The following LARS2 variants were observed in gnomAD, a reference collection of about 807,000 sequenced individuals.
The protein encoded by LARS2 is leucyl-tRNA synthetase 2, mitochondrial.
Under a neutral mutation model 116.6 loss-of-function variants are expected in LARS2, and 81 were observed. The observed-to-expected ratio is 0.69, with a 90% CI of 0.58 to 0.84. LARS2 has a LOEUF of 0.84. Ranked by LOEUF, LARS2 falls within the 40% of genes least tolerant of loss-of-function variation. The probability of loss-of-function intolerance (pLI) is 0.00; values close to 1 mark genes in which losing one functional copy is unlikely to be tolerated. For synonymous variants in LARS2, 396 were observed against 407.2 expected, an observed-to-expected ratio of 0.97 and a Z score of 0.33; for missense variants, 968 against 1,114.5, an observed-to-expected ratio of 0.87 and a Z score of 1.87.
intron 4 of LARS2, among the ~76,000 whole-genome samples, chr3:45,412,566 G>A (rs1042297262): frequency 3.3e-5 from 5 of 152,098 alleles, no homozygotes; most frequent in African/African-American, 1.2e-4. Flanking sequence ...TTTGTAATTT[G>A]AAAAAACATC....
intron 7 of LARS2, among the ~76,000 whole-genome samples, chr3:45,456,700 T>A (rs1699217802): frequency 1.3e-5 from 2 of 152,214 alleles, no homozygotes; most frequent in African/African-American, 4.8e-5. Flanking sequence ...TAAGGTACTT[T>A]TGTCCCATAT....
At chr3:45,488,066 G>C (rs1263167760) in intron 11 of LARS2, among the ~76,000 whole-genome samples, 1 of 151,992 alleles carries the variant, frequency 6.6e-6, no homozygotes, top group Non-Finnish European at 1.5e-5. Context: ...CAAGAAAGAG[G>C]CTTCCACAAA....
At chr3:45,521,770 G>GT (rs765551426) in intron 19 of LARS2, among the ~76,000 whole-genome samples, 16 of 150,952 alleles carry the variant, frequency 1.1e-4, no homozygotes, top group South Asian at 4.2e-4. Flanking sequence ...TTTTGTTTTT[G>GT]TTTTTTTTTA....
chr3:45,477,002 C>T (rs1272965321), intron 10 of LARS2, among the ~76,000 whole-genome samples: 2 of 152,178 alleles, frequency 1.3e-5, no homozygotes, highest in East Asian at 3.9e-4. Context: ...ACTAAAACTA[C>T]ACTGTCAGAG....
At chr3:45,509,345 G>C (rs1700248253) in intron 15 of LARS2, 1 of 152,108 alleles carries the variant, frequency 6.6e-6, no homozygotes, top group African/African-American at 2.4e-5. Flanking sequence ...GAACAAAAGG[G>C]AAACACATTA....
intron 7 of LARS2, among the ~76,000 whole-genome samples, chr3:45,449,156 ATT>A (rs1161349903): frequency 1.6e-3 from 165 of 102,928 alleles, no homozygotes; most frequent in African/African-American, 5.7e-3. Flanking sequence ...TTAACTCACT[ATT>A]TTTTTTTTTT....
chr3:45,389,343 G>A lies in LARS2; in HGVS notation c.-88+663G>A, dbSNP rs113258506. Among the ~76,000 whole-genome samples, 230 of 152,214 alleles carry A rather than the reference G, an allele frequency of 1.5e-3. 2 individuals are homozygous for A. Among genetic ancestry groups the A allele is most frequent in the African/African-American group, 5.3e-3 (220 of 41,522 alleles). On this transcript the variant is annotated intron_variant, in intron 1 of 21. Transcript: ENST00000645846. ...ACTTAGATCATCCCACACACGCAGGGAAATGAATGACTCCCTTCTCAAGGC... is the reference window on the plus strand; with the variant it reads ...ACTTAGATCATCCCACACACGCAGGAAAATGAATGACTCCCTTCTCAAGGC...
chr3:45,517,052 G>A (rs916627886), intron 17 of LARS2, among the ~76,000 whole-genome samples: 2 of 152,180 alleles, frequency 1.3e-5, no homozygotes, highest in African/African-American at 4.8e-5. Flanking sequence ...TGTTTATTTT[G>A]ATTTCCAACT....
intron 8 of LARS2, among the ~76,000 whole-genome samples, chr3:45,460,415 A>G (rs1699296953): frequency 6.6e-6 from 1 of 152,228 alleles, no homozygotes; most frequent in Non-Finnish European, 1.5e-5. Flanking sequence ...TGTTATAGGC[A>G]TTGTTGGAAA....
At chr3:45,428,322 C>A (rs1698633177) in intron 6 of LARS2, among the ~76,000 whole-genome samples, 1 of 135,146 alleles carries the variant, frequency 7.4e-6, no homozygotes, top group Non-Finnish European at 1.5e-5. Flanking sequence ...TGGCTCACTG[C>A]AAGCTCCACC....
intron 5 of LARS2, 90 bp from the exon 6 acceptor site, chr3:45,419,579 T>TTTCAG: frequency 1.0e-6 from 1 of 984,330 alleles, no homozygotes; most frequent in Non-Finnish European, 1.6e-6. Context: ...ATTTAGACTT[T>TTTCAG]TTCAGTTTCC....
intron 21 of LARS2, among the ~76,000 whole-genome samples, chr3:45,545,619 G>A (rs267256): frequency 0.52 from 78,715 of 152,028 alleles, 24,288 homozygotes; most frequent in East Asian, 0.78. Flanking sequence ...GAGGGTGCCC[G>A]AGGCAGCAAG....
rs751261319 is a variant in LARS2, at chr3:45,394,669, C to T, written c.216C>T (p.Ser72=). ...WWHQRIKEQA[S]KISEADKSKP... is the part of the protein sequence containing the mutation. Reference sequence around the variant, plus strand: ...ATCAACGAATAAAAGAACAGGCCTCCAAAATTTCAGAAGCTGATGTGAGTA... The same window carrying T: ...ATCAACGAATAAAAGAACAGGCCTCTAAAATTTCAGAAGCTGATGTGAGTA... The change falls in exon 3 of 22, where the codon TCC becomes TCT. Residue 72 remains serine, a synonymous_variant. Transcript: ENST00000645846. 1.2e-6 allele frequency: 2 copies of T among 1,612,612 alleles called. No homozygotes were observed. Among genetic ancestry groups the T allele is most frequent in the East Asian group, 4.5e-5 (2 of 44,874 alleles).
At chr3:45,476,703 T>A in intron 10 of LARS2, 76 bp downstream of exon 10, 1 of 1,478,232 alleles carries the variant, frequency 6.8e-7, no homozygotes, top group Non-Finnish European at 9.4e-7. Flanking sequence ...GAGTTCAAGG[T>A]CCTTTCCTCT....
intron 3 of LARS2, among the ~76,000 whole-genome samples, chr3:45,396,481 A>G (rs375438685): frequency 6.6e-6 from 1 of 152,246 alleles, no homozygotes; most frequent in East Asian, 1.9e-4. Context: ...AAAGATCAGA[A>G]CGTGGTGTGT....
At chr3:45,422,460 T>A (rs1056530567) in intron 6 of LARS2, 1 of 152,250 alleles carries the variant, frequency 6.6e-6, no homozygotes, top group African/African-American at 2.4e-5. Flanking sequence ...CTTGATTCTT[T>A]GTGATTTAAG....
At chr3:45,408,449 T>C (rs1293696403) in intron 4 of LARS2, among the ~76,000 whole-genome samples, 28 of 152,284 alleles carry the variant, frequency 1.8e-4, no homozygotes, top group Admixed American at 1.8e-3. Context: ...GTGCTGGTCC[T>C]TGACCAGCTT....
intron 8 of LARS2, among the ~76,000 whole-genome samples, chr3:45,469,704 C>T (rs565807402): frequency 1.3e-5 from 2 of 151,924 alleles, no homozygotes; most frequent in South Asian, 4.2e-4. Context: ...GACTAGAGTG[C>T]GAGAGAAAGG....
intron 3 of LARS2, among the ~76,000 whole-genome samples, chr3:45,396,730 A>G (rs1161285404): frequency 6.6e-6 from 1 of 152,240 alleles, no homozygotes; most frequent in African/African-American, 2.4e-5. Flanking sequence ...CCCAGCGGGT[A>G]GGTATTATTA....
Sources: gnomAD v4.1 joint callset for allele counts (sites outside exome capture counted in the v4.1 genomes callset) on GRCh38, gnomAD v4.1.1 for gene constraint, MANE v1.5 for transcripts, NCBI Gene and HGNC (gene_info 2026-07-23, HGNC 2026-07-21) for gene names.